The following WDR47 variants were observed in gnomAD, a reference collection of about 807,000 sequenced individuals.
WDR47 encodes WD repeat-containing protein 47.
A neutral mutation model predicts 97.2 loss-of-function variants in WDR47; 32 were observed. The observed-to-expected ratio is 0.33, with a 90% CI of 0.25 to 0.44. The LOEUF (loss-of-function observed/expected upper bound fraction) is 0.44, where lower values mean the gene tolerates loss of function less well. Among genes scored for constraint, WDR47 ranks in the 20% least tolerant of loss-of-function variants. The pLI is 1.00. For synonymous variants in WDR47, 375 were observed against 373.5 expected, an observed-to-expected ratio of 1.00 and a Z score of -0.05; for missense variants, 782 against 1,102.3, an observed-to-expected ratio of 0.71 and a Z score of 4.11.
At position 109,004,691 on chromosome 1, in the gene WDR47, C is replaced by T; in HGVS notation, c.1155G>A (p.Arg385=). ...GGCCCAAGATTTCACTGCCGATAGG[C>T]CTCTGTGCATCAACAGGTGTATCAC... ...PERDTPVDAQ[R]PIGSEILGQS... is the part of the protein sequence containing the mutation. The change falls in exon 6 of 15, where the codon AGG becomes AGA. Residue 385 remains arginine (R), a synonymous_variant. Coordinates refer to ENST00000369962, the MANE Select transcript of WDR47 (RefSeq NM_001142551.2). 6.2e-7 allele frequency: 1 copy of T among 1,612,136 alleles called. No individual in the cohort carries two copies. Among genetic ancestry groups the T allele is most frequent in the Non-Finnish European group, 8.5e-7 (1 of 1,179,172 alleles).
chr1:109,003,690 A>C (rs1660374545), intron 6 of WDR47, among the ~76,000 whole-genome samples: 1 of 152,084 alleles, frequency 6.6e-6, no homozygotes, highest in South Asian at 2.1e-4. Context: ...TTTTTAGTAG[A>C]GATGGGGTTT....
chr1:108,977,164 T>C (rs908917297), intron 13 of WDR47, among the ~76,000 whole-genome samples: 4 of 152,090 alleles, frequency 2.6e-5, no homozygotes, highest in Non-Finnish European at 5.9e-5. Flanking sequence ...TTTTTTTCTT[T>C]TTTTTGAGAC....
At chr1:108,998,237 T>A (rs1488783372) in intron 7 of WDR47, among the ~76,000 whole-genome samples, 3 of 152,170 alleles carry the variant, frequency 2.0e-5, no homozygotes, top group African/African-American at 7.2e-5. Context: ...GCACAGTGGC[T>A]CATGTCCGTA....
At chr1:108,978,178 TAA>T (rs71593456) in intron 13 of WDR47, among the ~76,000 whole-genome samples, 61 of 133,692 alleles carry the variant, frequency 4.6e-4, no homozygotes, top group Non-Finnish European at 4.4e-4. Flanking sequence ...ATCCTTTAAT[TAA>T]AAAAAAAAAA....
chr1:108,997,156 T>C (rs905867308), intron 7 of WDR47, among the ~76,000 whole-genome samples: 2 of 150,554 alleles, frequency 1.3e-5, no homozygotes, highest in African/African-American at 4.9e-5. Context: ...CCAGGAGCGA[T>C]GGCTCACGCC....
rs189692872 is a variant in WDR47 at position 109,011,047 on chromosome 1, G to A, written c.999C>T (p.Asp333=). 1.1e-5 allele frequency: 17 copies of A among 1,614,082 alleles called. No individual in the cohort carries two copies. Among genetic ancestry groups the A allele is most frequent in the Middle Eastern group, 3.3e-4 (2 of 6,062 alleles). Residue 333 remains aspartate, a synonymous_variant, in exon 5 of 15, where the codon GAC becomes GAT. Transcript: ENST00000369962. ...ACATTGGAGAAGTTTTGTTTCCAAG[G>A]TCTGAAATTCTCTTATCATGACTGG... The part of the protein sequence containing the change: ...GLTSHDKRIS[D]LGNKTSPMSH...
At chr1:109,023,667 A>C in intron 1 of WDR47, 146 bp from the exon 2 acceptor site, 1 of 771,700 alleles carries the variant, frequency 1.3e-6, no homozygotes, top group Non-Finnish European at 1.9e-6. Flanking sequence ...TATCAAAACC[A>C]AGTCGTTCTT....
intron 8 of WDR47, among the ~76,000 whole-genome samples, chr1:108,994,352 A>G (rs9659778): frequency 0.11 from 16,204 of 152,238 alleles, 1,000 homozygotes; most frequent in African/African-American, 0.15. Context: ...AGCTGAGATT[A>G]CACCACTGCA....
Position 109,004,619 on chromosome 1 carries a change from T to C in WDR47, c.1227A>G (p.Pro409=). ...EKEPANGAQN[P]GPAKQEKNEL... is the part of the protein sequence containing the mutation. ...CATTTTTTTCTTGTTTAGCTGGTCCTGGATTCTGTGCTCCATTTGCAGGCT... is the reference window on the plus strand; with the variant it reads ...CATTTTTTTCTTGTTTAGCTGGTCCCGGATTCTGTGCTCCATTTGCAGGCT... The change falls in exon 6 of 15, where the codon CCA becomes CCG. Residue 409 remains proline (P), a synonymous_variant. Transcript: ENST00000369962. 1 of 1,613,662 alleles carries C rather than the reference T, an allele frequency of 6.2e-7. No individual in the cohort carries two copies. Among genetic ancestry groups the C allele is most frequent in the East Asian group, 2.2e-5 (1 of 44,830 alleles).
At chr1:109,033,086 G>C (rs1662710824) in intron 1 of WDR47, among the ~76,000 whole-genome samples, 2 of 151,880 alleles carry the variant, frequency 1.3e-5, no homozygotes, top group Admixed American at 6.6e-5. Flanking sequence ...ATGAGGTCAG[G>C]AGTTCAAGAC....
At chr1:108,981,219 G>C (rs1231838212) in intron 13 of WDR47, among the ~76,000 whole-genome samples, 1 of 151,984 alleles carries the variant, frequency 6.6e-6, no homozygotes, top group East Asian at 1.9e-4. Flanking sequence ...AGAGAAATTT[G>C]TAATGCATGC....
intron 7 of WDR47, 59 bp downstream of exon 7, chr1:109,002,165 G>A: frequency 6.9e-7 from 1 of 1,452,658 alleles, no homozygotes. Flanking sequence ...AGCAGTTATT[G>A]CATGTTTTAA....
At chr1:108,994,349 A>C (rs1398473350) in intron 8 of WDR47, among the ~76,000 whole-genome samples, 1 of 152,200 alleles carries the variant, frequency 6.6e-6, no homozygotes, top group Middle Eastern at 3.2e-3. Context: ...GTGAGCTGAG[A>C]TTACACCACT....
At chr1:109,040,035 C>CAAA (rs71281820) in intron 1 of WDR47, among the ~76,000 whole-genome samples, 24 of 51,014 alleles carry the variant, frequency 4.7e-4, no homozygotes, top group African/African-American at 1.4e-3. Context: ...GACTCCGTCT[C>CAAA]AAAAAAAAAA....
At chr1:109,039,169 A>G (rs2102068811) in intron 1 of WDR47, among the ~76,000 whole-genome samples, 1 of 152,298 alleles carries the variant, frequency 6.6e-6, no homozygotes, top group South Asian at 2.1e-4. Context: ...CATGCTACAA[A>G]CTGGGATACA....
At chr1:109,028,362 G>GTTTTTTTTTTTTTTTTTT (rs372929187) in intron 1 of WDR47, among the ~76,000 whole-genome samples, 14 of 79,788 alleles carry the variant, frequency 1.8e-4, no homozygotes, top group Non-Finnish European at 2.6e-4. Context: ...TTTTTGTTGG[G>GTTTTTTTTTTTTTTTTTT]TTTTTTTTTT....
chr1:109,018,929 C>T (rs1032285676), intron 2 of WDR47, among the ~76,000 whole-genome samples: 1 of 152,056 alleles, frequency 6.6e-6, no homozygotes, highest in Admixed American at 6.6e-5. Context: ...ATTAGCTGGG[C>T]ATGGTGGTAC....
intron 13 of WDR47, among the ~76,000 whole-genome samples, chr1:108,978,872 G>A (rs1164693954): frequency 6.6e-6 from 1 of 152,104 alleles, no homozygotes; most frequent in Admixed American, 6.6e-5. Context: ...GGTTGCAGCA[G>A]GAACCACATT....
At chr1:109,012,582 A>AAAAAAAAAAAAAAAAAAAAAAAAAAAAAG (rs1661122120) in intron 4 of WDR47, among the ~76,000 whole-genome samples, 1 of 151,076 alleles carries the variant, frequency 6.6e-6, no homozygotes, top group Non-Finnish European at 1.5e-5. Flanking sequence ...CAAAAAAAAA[A>AAAAAAAAAAAAAAAAAAAAAAAAAAAAAG]AAAAAAAACA....
Sources: gnomAD v4.1 joint callset for allele counts (sites outside exome capture counted in the v4.1 genomes callset) on GRCh38, gnomAD v4.1.1 for gene constraint, MANE v1.5 for transcripts, NCBI Gene and HGNC (gene_info 2026-07-23, HGNC 2026-07-21) for gene names.